DPP10: variants seen among roughly 807,000 people sequenced by gnomAD.
DPP10 encodes dipeptidyl peptidase like 10, also known as inactive dipeptidyl peptidase 10.
A neutral mutation model predicts 120.9 loss-of-function variants in DPP10; 33 were observed. That is an observed-to-expected ratio of 0.27 (90% CI 0.21 to 0.37). The LOEUF (loss-of-function observed/expected upper bound fraction) is 0.37, where lower values mean the gene tolerates loss of function less well. Among genes scored for constraint, DPP10 ranks in the 10% least tolerant of loss-of-function variants. DPP10 has a pLI of 1.00. For missense variants in DPP10, 816 were observed against 942.8 expected (o/e 0.87, Z 1.76); for synonymous variants, 337 against 326.1 (o/e 1.03, Z -0.36).
intron 9 of DPP10, among the ~76,000 whole-genome samples, chr2:115,741,197 T>G (rs1677219070): frequency 6.6e-6 from 1 of 152,122 alleles, no homozygotes; most frequent in Admixed American, 6.6e-5. Flanking sequence ...AGATTTCTCA[T>G]CCATGTTCCT....
intron 3 of DPP10, among the ~76,000 whole-genome samples, chr2:115,497,100 G>T (rs1038153103): frequency 6.6e-6 from 1 of 152,004 alleles, no homozygotes; most frequent in Non-Finnish European, 1.5e-5. Context: ...ATATATAGGC[G>T]AGTCACAAAT....
intron 5 of DPP10, among the ~76,000 whole-genome samples, chr2:115,587,179 G>A (rs1011360937): frequency 1.5e-5 from 2 of 135,162 alleles, no homozygotes; most frequent in South Asian, 2.5e-4. Context: ...CTCACTGCAA[G>A]CTCCGCCTCC....
intron 7 of DPP10, among the ~76,000 whole-genome samples, chr2:115,715,127 G>T (rs2092448765): frequency 6.6e-6 from 1 of 151,320 alleles, no homozygotes; most frequent in South Asian, 2.1e-4. Flanking sequence ...ATCACCTGAG[G>T]TCAGGAGTTC....
intron 7 of DPP10, among the ~76,000 whole-genome samples, chr2:115,692,672 C>T (rs2149506358): frequency 6.6e-6 from 1 of 152,150 alleles, no homozygotes; most frequent in East Asian, 1.9e-4. Flanking sequence ...TTAACAACAG[C>T]TGGTTGGGCT....
chr2:114,831,095 A>G (rs968460174), intron 1 of DPP10, among the ~76,000 whole-genome samples: 1 of 145,136 alleles, frequency 6.9e-6, no homozygotes, highest in Non-Finnish European at 1.5e-5. Flanking sequence ...TGTTGTATTA[A>G]AAAACAGATG....
chr2:115,808,149 G>A (rs1020431725), intron 19 of DPP10, among the ~76,000 whole-genome samples: 14 of 152,202 alleles, frequency 9.2e-5, no homozygotes, highest in African/African-American at 3.1e-4. Flanking sequence ...CAGCATATAC[G>A]TGTGCGAAAG....
At chr2:115,378,421 T>C (rs913898514) in intron 3 of DPP10, among the ~76,000 whole-genome samples, 1 of 149,244 alleles carries the variant, frequency 6.7e-6, no homozygotes, top group African/African-American at 2.6e-5. Context: ...GAGACTTTGC[T>C]AAGTTGCTTA....
intron 3 of DPP10, chr2:115,440,865 T>C (rs1048647157): frequency 6.6e-6 from 1 of 152,296 alleles, no homozygotes; most frequent in South Asian, 2.1e-4. Flanking sequence ...TCCTGGGAAC[T>C]TCATACATTG....
chr2:115,752,709 C>A (rs989966787), intron 10 of DPP10, among the ~76,000 whole-genome samples: 3 of 152,080 alleles, frequency 2.0e-5, no homozygotes, highest in Non-Finnish European at 4.4e-5. Context: ...CAGGAATAAT[C>A]TTTGCCTTTT....
At chr2:114,795,483 C>T (rs181328525) in intron 1 of DPP10, among the ~76,000 whole-genome samples, 12 of 150,378 alleles carry the variant, frequency 8.0e-5, no homozygotes, top group Admixed American at 3.3e-4. Context: ...AAGAGTGAAA[C>T]GTCATCTCTG....
chr2:114,782,266 T>C (rs1297345801), intron 1 of DPP10, among the ~76,000 whole-genome samples: 3 of 151,858 alleles, frequency 2.0e-5, no homozygotes, highest in Admixed American at 2.0e-4. Context: ...AATAAACAAG[T>C]TGCTGAATGA....
chr2:115,559,575 A>G (rs2080438064), intron 5 of DPP10, among the ~76,000 whole-genome samples: 1 of 152,182 alleles, frequency 6.6e-6, no homozygotes, highest in Non-Finnish European at 1.5e-5. Context: ...TAATAATATT[A>G]AAATAATAGA....
Position 115,217,063 on chromosome 2 carries a change from C to A in DPP10, c.61-92176C>A, listed in dbSNP as rs537143647. On this transcript the variant is annotated intron_variant, in intron 1 of 25. Transcript: ENST00000410059. ...TCTGTCCGATAAGTGGGTATTCATC[C>A]AGAAGACCTAATTCACATATTAATT... is the stretch of plus-strand genomic sequence containing the variant. 5.3e-5 allele frequency among the ~76,000 whole-genome samples: 8 copies of A among 152,142 alleles called. 1 individual carries two copies. In the South Asian group the frequency reaches 1.7e-3, roughly 32 times the overall value.
At chr2:115,227,012 T>C (rs2057467004) in intron 1 of DPP10, among the ~76,000 whole-genome samples, 1 of 152,172 alleles carries the variant, frequency 6.6e-6, no homozygotes. Context: ...AATCTCATTT[T>C]TGTATTAAAA....
At chr2:115,687,681 T>A (rs75558901) in intron 5 of DPP10, among the ~76,000 whole-genome samples, 1,475 of 146,804 alleles carry the variant, frequency 0.01, 22 homozygotes, top group African/African-American at 0.031. Context: ...AGAAGGTGGA[T>A]TTATATATTC....
chr2:114,574,409 A>G lies in DPP10; in HGVS notation c.60+131571A>G, dbSNP rs1396515394. On this transcript the variant is annotated intron_variant, in intron 1 of 25. Coordinates refer to ENST00000410059, the MANE Select transcript of DPP10 (RefSeq NM_020868.6). The stretch of plus-strand genomic sequence containing the variant: ...ACTCTCCTAAAGACCCGTCATTATG[A>G]AAGGAAAAGAGAAGCTAATGGCTGA... Among the ~76,000 whole-genome samples, 4 of 152,190 alleles carry G rather than the reference A, an allele frequency of 2.6e-5. No homozygotes were observed. The East Asian group carries it at 5.8e-4, about 22-fold the overall frequency.
chr2:114,731,349 C>T (rs553113859), intron 1 of DPP10, among the ~76,000 whole-genome samples: 1 of 152,166 alleles, frequency 6.6e-6, no homozygotes, highest in Non-Finnish European at 1.5e-5. Context: ...CAGCACTGTA[C>T]TTCTACTCCT....
At chr2:114,626,556 C>A (rs1023140577) in intron 1 of DPP10, among the ~76,000 whole-genome samples, 3 of 151,968 alleles carry the variant, frequency 2.0e-5, no homozygotes, top group African/African-American at 7.2e-5. Context: ...TCACTAAATT[C>A]ATGCATTTTT....
At chr2:115,244,345 A>G (rs1031346459) in intron 1 of DPP10, among the ~76,000 whole-genome samples, 2 of 151,162 alleles carry the variant, frequency 1.3e-5, no homozygotes, top group African/African-American at 4.9e-5. Flanking sequence ...TACTTTTACA[A>G]TTGCTATAGT....
Sources: allele counts gnomAD v4.1 joint callset (sites outside exome capture counted in the v4.1 genomes callset), GRCh38; gene constraint gnomAD v4.1.1; transcripts MANE v1.5; gene names NCBI Gene and HGNC (gene_info 2026-07-23, HGNC 2026-07-21).